Variants in EPG5 observed in about 807,000 individuals in gnomAD.
EPG5 encodes ectopic P granules protein 5 homolog.
In EPG5, 159 loss-of-function variants were observed where a neutral mutation model predicts 302.7. The ratio of observed to expected loss-of-function variants is 0.53; its 90% confidence interval spans 0.46 to 0.60. The LOEUF (loss-of-function observed/expected upper bound fraction) is 0.60, where lower values mean the gene tolerates loss of function less well. Ranked by LOEUF, EPG5 falls within the 20% of genes least tolerant of loss-of-function variation. The pLI, the probability that EPG5 is intolerant of heterozygous loss-of-function variation, is 0.00. For missense variants in EPG5, 2,896 were observed against 3,092.4 expected, an observed-to-expected ratio of 0.94 and a Z score of 1.51; for synonymous variants, 1,158 against 1,136.8, an observed-to-expected ratio of 1.02 and a Z score of -0.37.
chr18:45,911,809 G>A lies in EPG5; in HGVS notation c.3983+481C>T, dbSNP rs574490698. On this transcript the variant is annotated intron_variant, in intron 22 of 43. Transcript: ENST00000282041. ...GGCAGGAGCTAGAGAGCAATGGTTC[G>A]TAATAGTGGATGGCTCTGGCTGGGT... Among the ~76,000 whole-genome samples the A allele has an allele frequency of 5.3e-5, 8 of 152,310 alleles. No individual in the cohort carries two copies. In the South Asian group the frequency reaches 1.2e-3, roughly 24 times the overall value.
rs781457274 is a variant in EPG5, at chr18:45,878,460, T to C, written c.5870-12A>G. 4.4e-6 allele frequency: 7 copies of C among 1,589,242 alleles called. No homozygotes were observed. The African/African-American group carries it at 9.4e-5, about 21-fold the overall frequency. ...TAGGGATTTCAGCACTAAAAAGTTT[T>C]AGAGACAAAACAAAGGTCATCATTT... On this transcript the variant is annotated splice_polypyrimidine_tract_variant and intron_variant, in intron 33 of 43. Transcript: ENST00000282041.
At chr18:45,864,004 C>T (rs1271875524) in intron 39 of EPG5, among the ~76,000 whole-genome samples, 2 of 152,148 alleles carry the variant, frequency 1.3e-5, no homozygotes, top group African/African-American at 4.8e-5. Context: ...TATTGCTTCT[C>T]CCCAGTTAAG....
rs752588462 is a variant in EPG5 at position 45,860,172 on chromosome 18, T to C, written c.6941A>G (p.Gln2314Arg). ...VVLPLLTAAC[Q>R]SLASVRHMAE... ...CATGTGGCGGACGGACGCCAGGCTC[T>C]GGCAGGCTGCTGTTAAAAGGGGCAG... The change falls in exon 40 of 44, where the codon CAG (glutamine) becomes CGG (arginine). Residue 2314 changes from glutamine to arginine, a missense_variant. Physicochemically the swap from Gln to Arg is conservative, Grantham distance 43. Transcript: ENST00000282041. 1.5e-5 allele frequency: 25 copies of C among 1,614,150 alleles called. No homozygotes were observed. The highest frequency in any genetic ancestry group is 1.3e-5 in the African/African-American group (1 of 74,960).
At position 45,944,051 on chromosome 18, in the gene EPG5, G is replaced by A; in HGVS notation, c.1746C>T (p.Phe582=). ...GATGCTGAAAGAGTTCATGAAAGGGGAACTGTGCTAAAATGGTAACCAAAT... is the reference window on the plus strand; with the variant it reads ...GATGCTGAAAGAGTTCATGAAAGGGAAACTGTGCTAAAATGGTAACCAAAT... ...EDDLVTILAQ[F]PFHELFQHLL... The change falls in exon 8 of 44, where the codon TTC becomes TTT. Residue 582 remains phenylalanine, a synonymous_variant. Coordinates refer to ENST00000282041, the MANE Select transcript of EPG5 (RefSeq NM_020964.3). 1 of 1,613,934 alleles carries A rather than the reference G, an allele frequency of 6.2e-7. No individual in the cohort carries two copies. Among genetic ancestry groups the A allele is most frequent in the Non-Finnish European group, 8.5e-7 (1 of 1,179,858 alleles).
intron 42 of EPG5, among the ~76,000 whole-genome samples, chr18:45,856,471 G>A (rs1246272212): frequency 6.6e-6 from 1 of 152,188 alleles, no homozygotes; most frequent in Non-Finnish European, 1.5e-5. Context: ...AAGCTAGATT[G>A]TGGTGATGGC....
chr18:45,943,336 A>G lies in EPG5; in HGVS notation c.1793-25T>C, dbSNP rs1388796451. On this transcript the variant is annotated intron_variant, in intron 8 of 43. Coordinates refer to ENST00000282041, the MANE Select transcript of EPG5 (RefSeq NM_020964.3). ...CCTAGAAGTTAATCAGATAAAAGAA[A>G]AAAATCATAGTTACTATGAAAAAAC... 5.0e-6 allele frequency: 8 copies of G among 1,598,150 alleles called. No homozygotes were observed. The East Asian group carries it at 6.7e-5, about 13-fold the overall frequency.
At chr18:45,943,875 C>A in intron 8 of EPG5, 130 bp downstream of exon 8, 1 of 594,156 alleles carries the variant, frequency 1.7e-6, no homozygotes, top group Non-Finnish European at 3.0e-6. Flanking sequence ...GAGCCGAGAT[C>A]GCGCCACTGC....
chr18:45,838,395 C>G, the EPG5 span: 4 of 458,180 alleles, frequency 8.7e-6, no homozygotes, highest in Admixed American at 4.1e-5. Context: ...TAGCCCCCAC[C>G]CTGCTCTGCG....
intron 23 of EPG5, 46 bp from the exon 24 acceptor site, chr18:45,908,127 TACAA>T: frequency 7.0e-7 from 1 of 1,426,238 alleles, no homozygotes; most frequent in Non-Finnish European, 9.5e-7. Flanking sequence ...AAGATGAGCA[TACAA>T]ACAAAGCTTC....
In EPG5 at chr18:45,866,541, T is replaced by C. The variant is rs9947795; in HGVS notation, c.6621+257A>G. ...TCTGCTGCCAATGACATTCAGATCATGAAACCAGCAGCTTGCTGGCAGCCC... is the reference window on the plus strand; with the variant it reads ...TCTGCTGCCAATGACATTCAGATCACGAAACCAGCAGCTTGCTGGCAGCCC... On this transcript the variant is annotated intron_variant, in intron 38 of 43. Transcript: ENST00000282041. Among the ~76,000 whole-genome samples the C allele has an allele frequency of 0.018, 2,664 of 152,216 alleles. 71 individuals are homozygous for C. The highest frequency in any genetic ancestry group is 0.055 in the African/African-American group (2,282 of 41,486).
At chr18:45,853,024 G>C (rs1377726199) in intron 43 of EPG5, among the ~76,000 whole-genome samples, 1 of 152,224 alleles carries the variant, frequency 6.6e-6, no homozygotes, top group African/African-American at 2.4e-5. Context: ...AGTCCCACCT[G>C]TGGGGTCCTC....
chr18:45,908,891 G>A (rs943196587), intron 23 of EPG5, among the ~76,000 whole-genome samples: 1 of 151,896 alleles, frequency 6.6e-6, no homozygotes, highest in African/African-American at 2.4e-5. Context: ...AGAGGTTGCA[G>A]TGAGCCAAGA....
At chr18:45,872,011 C>T (rs2048881877) in intron 35 of EPG5, among the ~76,000 whole-genome samples, 1 of 152,170 alleles carries the variant, frequency 6.6e-6, no homozygotes, top group Admixed American at 6.5e-5. Context: ...TCATGCCACA[C>T]TGTAAATCAC....
At position 45,916,500 on chromosome 18, in the gene EPG5, C is replaced by G; in HGVS notation, c.3322G>C (p.Ala1108Pro). ...GVTQQVTHKV[A>P]QHLTGASHGD... ...TGGCTGGCTCCTGTCAGGTGCTGTGCCACCTTGTGGGTGACCTGTTGTGTG... is the reference window on the plus strand; with the variant it reads ...TGGCTGGCTCCTGTCAGGTGCTGTGGCACCTTGTGGGTGACCTGTTGTGTG... The change falls in exon 18 of 44, where the codon GCA becomes CCA. Residue 1108 changes from alanine (A) to proline (P), a missense_variant. Transcript: ENST00000282041. 6.2e-7 allele frequency: 1 copy of G among 1,613,750 alleles called. No homozygotes were observed. Among genetic ancestry groups the G allele is most frequent in the South Asian group, 1.1e-5 (1 of 91,062 alleles).
chr18:45,956,775 C>T (rs185136078), intron 1 of EPG5, among the ~76,000 whole-genome samples: 6 of 151,894 alleles, frequency 4.0e-5, no homozygotes, highest in Admixed American at 3.3e-4. Context: ...ATAGAATGTA[C>T]GGTTATATAA....
chr18:45,860,677 A>G (rs2048616792), intron 39 of EPG5, among the ~76,000 whole-genome samples: 2 of 152,178 alleles, frequency 1.3e-5, no homozygotes, highest in African/African-American at 4.8e-5. Context: ...TTATTTTCCA[A>G]CCTTTGCTCA....
chr18:45,890,170 A>T (rs929433329), intron 27 of EPG5: 24 of 350,130 alleles, frequency 6.9e-5, no homozygotes, highest in African/African-American at 4.9e-4. Context: ...CATCAAAAAC[A>T]CATCCCATGT....
intron 9 of EPG5, among the ~76,000 whole-genome samples, chr18:45,941,373 A>T (rs1302843359): frequency 6.6e-6 from 1 of 152,248 alleles, no homozygotes; most frequent in Non-Finnish European, 1.5e-5. Flanking sequence ...CACAAGGTTC[A>T]TTAGAGATCT....
rs530132498 is a variant in EPG5, at chr18:45,889,630, T to G, written c.4952+168A>C. On this transcript the variant is annotated intron_variant, in intron 28 of 43. Coordinates refer to ENST00000282041, the MANE Select transcript of EPG5 (RefSeq NM_020964.3). ...GGCTGTGTTGCAATAAAACTTTATT[T>G]ATAAAAATAAGTAGCAGGCCAGATT... 2.1e-3 allele frequency among the ~76,000 whole-genome samples: 324 copies of G among 152,314 alleles called. 2 individuals carry two copies. The highest frequency in any genetic ancestry group is 3.5e-3 in the Non-Finnish European group (240 of 68,026).
Sources: allele counts gnomAD v4.1 joint callset (sites outside exome capture counted in the v4.1 genomes callset), GRCh38; gene constraint gnomAD v4.1.1; transcripts MANE v1.5; gene names NCBI Gene and HGNC (gene_info 2026-07-23, HGNC 2026-07-21).